The following OLFM2 variants were observed in gnomAD, a reference collection of about 807,000 sequenced individuals.
OLFM2 encodes the protein olfactomedin 2.
Under a neutral mutation model 43.9 loss-of-function variants are expected in OLFM2, and 20 were observed. The observed-to-expected ratio is 0.46, with a 90% CI of 0.32 to 0.66. OLFM2 has a LOEUF of 0.66. Ranked by LOEUF, OLFM2 falls within the 30% of genes least tolerant of loss-of-function variation. OLFM2 has a pLI of 0.04. For synonymous variants in OLFM2, 268 were observed against 278.6 expected, an observed-to-expected ratio of 0.96 and a Z score of 0.38; for missense variants, 416 against 643.6, an observed-to-expected ratio of 0.65 and a Z score of 3.83.
At position 9,856,737 on chromosome 19, in the gene OLFM2, G is replaced by A; in HGVS notation, c.687+70C>T. On this transcript the variant is annotated intron_variant, in intron 5 of 5. Coordinates refer to ENST00000264833, the MANE Select transcript of OLFM2 (RefSeq NM_058164.4). The surrounding 1 kb of genome is among the most constrained non-coding windows in gnomAD (Gnocchi z 4.0). ...GACAGTCACCAGTGTGGACTCCCTA[G>A]GCACCTATGGGCAGTCAAAGGCTCT... The A allele has an allele frequency of 3.2e-6, 4 of 1,258,934 alleles. No individual in the cohort carries two copies. Among genetic ancestry groups the A allele is most frequent in the Non-Finnish European group, 3.4e-6 (3 of 877,996 alleles). 78.0% of individuals were successfully genotyped at this position (1,258,934 alleles called of 1,614,324 possible). A position where few individuals can be genotyped will look rare whatever the true frequency, so the allele number is the denominator to read the frequency against.
intron 1 of OLFM2, among the ~76,000 whole-genome samples, chr19:9,919,866 C>T (rs1419634564): frequency 1.4e-5 from 2 of 145,226 alleles, no homozygotes; most frequent in African/African-American, 5.2e-5. Flanking sequence ...GAGAGCTCGG[C>T]TCACTGCAAT....
chr19:9,858,040 C>T (rs1029324266), intron 2 of OLFM2, 179 bp from the exon 3 acceptor site: 22 of 733,726 alleles, frequency 3.0e-5, no homozygotes, highest in Admixed American at 8.2e-5. Flanking sequence ...ATCCATCCAT[C>T]GCTCCCTCCC....
chr19:9,893,461 G>A (rs1341378542), intron 1 of OLFM2, among the ~76,000 whole-genome samples: 13 of 152,066 alleles, frequency 8.5e-5, no homozygotes, highest in Non-Finnish European at 1.3e-4. Context: ...CACCGCACCC[G>A]GCCAATCATG....
At chr19:9,888,425 G>A (rs191341859) in intron 1 of OLFM2, among the ~76,000 whole-genome samples, 33 of 123,880 alleles carry the variant, frequency 2.7e-4, no homozygotes, top group African/African-American at 9.0e-4. Flanking sequence ...TCGGGAGGCT[G>A]AGGCAGGAGA....
chr19:9,885,031 T>C (rs571415963), intron 1 of OLFM2, among the ~76,000 whole-genome samples: 34 of 152,276 alleles, frequency 2.2e-4, no homozygotes, highest in African/African-American at 7.7e-4. Flanking sequence ...GAAGCGGTCA[T>C]GGAGTCAAAG....
intron 1 of OLFM2, among the ~76,000 whole-genome samples, chr19:9,932,824 G>A (rs1345545729): frequency 4.6e-5 from 7 of 152,152 alleles, no homozygotes; most frequent in Admixed American, 1.3e-4. Flanking sequence ...GTGGGGCTCA[G>A]AACTGTCAAG....
intron 5 of OLFM2, among the ~76,000 whole-genome samples, chr19:9,855,690 A>G (rs1004524675): frequency 4.0e-5 from 6 of 151,754 alleles, no homozygotes; most frequent in Admixed American, 3.9e-4. Flanking sequence ...ACAAGTCACC[A>G]CGCCCAGCTT....
chr19:9,919,576 G>A (rs1028800779), intron 1 of OLFM2, among the ~76,000 whole-genome samples: 5 of 152,154 alleles, frequency 3.3e-5, no homozygotes, highest in Middle Eastern at 6.8e-3. Context: ...TTCCCCTCTG[G>A]GTTCAAGTGA....
chr19:9,900,342 G>T (rs1196047237), intron 1 of OLFM2, among the ~76,000 whole-genome samples: 1 of 152,134 alleles, frequency 6.6e-6, no homozygotes, highest in African/African-American at 2.4e-5. Context: ...TGACGGAGCT[G>T]CATCAGTGGA....
chr19:9,935,171 GT>G (rs1568391260), intron 1 of OLFM2, among the ~76,000 whole-genome samples: 1 of 152,156 alleles, frequency 6.6e-6, no homozygotes, highest in South Asian at 2.1e-4. Context: ...GGCAGAGGGG[GT>G]TAAATGCCTT....
At chr19:9,913,694 G>C in intron 1 of OLFM2, 2 of 1,073,188 alleles carry the variant, frequency 1.9e-6, no homozygotes, top group South Asian at 3.4e-5. Flanking sequence ...TCGGTCCCTC[G>C]ACACCCAGGC....
At chr19:9,897,716 G>A (rs776105930) in intron 1 of OLFM2, among the ~76,000 whole-genome samples, 5 of 152,008 alleles carry the variant, frequency 3.3e-5, no homozygotes, top group Non-Finnish European at 7.4e-5. Context: ...TTCAGCAGAA[G>A]CAAGAAGTCA....
At chr19:9,867,030 G>A (rs1042769069) in intron 1 of OLFM2, among the ~76,000 whole-genome samples, 3 of 152,144 alleles carry the variant, frequency 2.0e-5, no homozygotes, top group African/African-American at 7.2e-5. Flanking sequence ...TGTCGGGCCA[G>A]GGATCATCAT....
At chr19:9,855,509 A>C (rs935963547) in intron 5 of OLFM2, among the ~76,000 whole-genome samples, 12 of 151,868 alleles carry the variant, frequency 7.9e-5, no homozygotes, top group African/African-American at 2.4e-4. Context: ...AAGTGCTGGG[A>C]TTACAGGCAT....
intron 1 of OLFM2, among the ~76,000 whole-genome samples, chr19:9,911,552 GCA>G (rs1472398483): frequency 2.6e-5 from 4 of 151,878 alleles, no homozygotes; most frequent in Non-Finnish European, 4.4e-5. Context: ...CACAAGGCAG[GCA>G]CACACACACA....
chr19:9,898,087 T>TTTC (rs1165625553), intron 1 of OLFM2, among the ~76,000 whole-genome samples: 2 of 149,758 alleles, frequency 1.3e-5, no homozygotes, highest in African/African-American at 2.4e-5. Flanking sequence ...TTTTTTTTTT[T>TTTC]TGAGACAGAC....
intron 1 of OLFM2, among the ~76,000 whole-genome samples, chr19:9,889,694 C>T (rs894511325): frequency 2.0e-5 from 3 of 152,136 alleles, no homozygotes; most frequent in African/African-American, 7.2e-5. Context: ...GGTGTGAACA[C>T]GTGTCTGTGT....
At chr19:9,884,581 G>A (rs993173699) in intron 1 of OLFM2, among the ~76,000 whole-genome samples, 3 of 152,106 alleles carry the variant, frequency 2.0e-5, no homozygotes, top group African/African-American at 7.2e-5. Flanking sequence ...AGATGCTGGT[G>A]TTTCTACAGC....
intron 2 of OLFM2, 92 bp downstream of exon 2, chr19:9,860,553 A>G: frequency 7.2e-7 from 1 of 1,380,420 alleles, no homozygotes; most frequent in Non-Finnish European, 1.0e-6. Flanking sequence ...ATAGCTGGAT[A>G]TGGCCACTGG....
Sources: gnomAD v4.1 joint callset for allele counts (sites outside exome capture counted in the v4.1 genomes callset) on GRCh38, gnomAD v4.1.1 for gene constraint, Gnocchi (gnomAD v3.1) non-coding constraint, MANE v1.5 for transcripts, NCBI Gene and HGNC (gene_info 2026-07-23, HGNC 2026-07-21) for gene names.